IGF2R: variants seen among roughly 807,000 people sequenced by gnomAD.
IGF2R encodes insulin like growth factor 2 receptor.
A neutral mutation model predicts 270.6 loss-of-function variants in IGF2R; 91 were observed. The ratio of observed to expected loss-of-function variants is 0.34; its 90% CI spans 0.28 to 0.40. The LOEUF is 0.40. Among genes scored for constraint, IGF2R ranks in the 10% least tolerant of loss-of-function variants. The pLI is 1.00. For synonymous variants in IGF2R, 1,316 were observed against 1,258.9 expected, an observed-to-expected ratio of 1.05 and a Z score of -0.96; for missense variants, 2,805 against 3,188.3, an observed-to-expected ratio of 0.88 and a Z score of 2.90.
At chr6:160,103,253 G>A (rs768855084) in intron 46 of IGF2R, among the ~76,000 whole-genome samples, 1 of 151,890 alleles carries the variant, frequency 6.6e-6, no homozygotes, top group Non-Finnish European at 1.5e-5. Context: ...TACCAACCAT[G>A]GAGGTTGCAG....
chr6:159,991,703 C>T (rs1783982662), intron 2 of IGF2R, among the ~76,000 whole-genome samples: 2 of 152,164 alleles, frequency 1.3e-5, no homozygotes, highest in Non-Finnish European at 2.9e-5. Flanking sequence ...GACTCCCATT[C>T]CTTTGTACCT....
intron 47 of IGF2R, among the ~76,000 whole-genome samples, chr6:160,104,273 T>G (rs560380979): frequency 6.6e-6 from 1 of 152,246 alleles, no homozygotes; most frequent in Non-Finnish European, 1.5e-5. Flanking sequence ...TCCTTTGACA[T>G]TCCTCCCCTG....
At chr6:160,019,327 C>CAA (rs1777377657) in intron 4 of IGF2R, among the ~76,000 whole-genome samples, 1 of 151,974 alleles carries the variant, frequency 6.6e-6, no homozygotes, top group Admixed American at 6.6e-5. Flanking sequence ...CAAAACAAAA[C>CAA]AAAAACCTCC....
intron 35 of IGF2R, 124 bp downstream of exon 35, chr6:160,074,099 G>A: frequency 1.5e-6 from 1 of 681,608 alleles, no homozygotes; most frequent in Admixed American, 2.4e-5. Flanking sequence ...AAGTAAGTGG[G>A]ACTGTGTATG....
In IGF2R at chr6:159,969,273, C is replaced by A; in HGVS notation, c.27C>A (p.Pro9=). ...TGGGGGCCGCCGCCGGCCGGAGCCC[C>A]CACCTGGGGCCCGCGCCCGCCCGCC... MGAAAGRS[P]HLGPAPARRP... Residue 9 remains proline (P), a synonymous_variant, in exon 1 of 48, where the codon CCC becomes CCA. Coordinates refer to ENST00000356956, the MANE Select transcript of IGF2R (RefSeq NM_000876.4). 1 of 1,147,188 alleles carries A rather than the reference C, an allele frequency of 8.7e-7. No individual in the cohort carries two copies. The allele number at this position is 1,147,188 out of a possible 1,614,324, so 71.1% of individuals were successfully genotyped here.
Position 159,969,243 on chromosome 6 carries a change from C to A in IGF2R, c.-4C>A. The A allele has an allele frequency of 9.8e-7, 1 of 1,019,164 alleles. No individual in the cohort carries two copies. The highest frequency in any genetic ancestry group is 1.2e-6 in the Non-Finnish European group (1 of 854,734). 63.1% of individuals were successfully genotyped at this position (1,019,164 alleles called of 1,614,324 possible). ...CGCCCGCCGCGCAGTCCGGGCCCGG[C>A]GCGATGGGGGCCGCCGCCGGCCGGA... On this transcript the variant is annotated 5_prime_UTR_variant, in exon 1 of 48. Transcript: ENST00000356956.
At chr6:159,970,059 T>G (rs1783586463) in intron 1 of IGF2R, among the ~76,000 whole-genome samples, 1 of 152,140 alleles carries the variant, frequency 6.6e-6, no homozygotes, top group Non-Finnish European at 1.5e-5. Flanking sequence ...GAGCCCAACT[T>G]CCTGCCTGGT....
chr6:160,088,251 C>T, intron 42 of IGF2R, 104 bp downstream of exon 42: 1 of 759,516 alleles, frequency 1.3e-6, no homozygotes, highest in East Asian at 2.6e-5. Flanking sequence ...CTTAGGAGCT[C>T]AGGGCCAGAG....
chr6:159,985,696 C>T (rs1783870993), intron 1 of IGF2R, among the ~76,000 whole-genome samples: 1 of 152,154 alleles, frequency 6.6e-6, no homozygotes, highest in Non-Finnish European at 1.5e-5. Flanking sequence ...GCAGCTAGTG[C>T]TGGAGCTGTG....
At chr6:160,059,761 G>C (rs1778394563) in intron 22 of IGF2R, among the ~76,000 whole-genome samples, 1 of 152,214 alleles carries the variant, frequency 6.6e-6, no homozygotes, top group South Asian at 2.1e-4. Flanking sequence ...TGGCCTCCCT[G>C]TTTCTGATAT....
At chr6:160,065,814 G>GTGTGTATATATATATATATATATATA in intron 29 of IGF2R, among the ~76,000 whole-genome samples, 5 of 78,392 alleles carry the variant, frequency 6.4e-5, no homozygotes, top group Non-Finnish European at 9.3e-5. Context: ...GTGTGTGTGT[G>GTGTGTATATATATATATATATATATA]TATATATATA....
intron 26 of IGF2R, 42 bp downstream of exon 26, chr6:160,062,661 G>A: frequency 2.8e-6 from 4 of 1,421,432 alleles, no homozygotes; most frequent in Non-Finnish European, 4.0e-6. Context: ...TAAATGTATA[G>A]AGTAGCAGAC....
chr6:160,036,296 C>T (rs768404283), intron 10 of IGF2R, among the ~76,000 whole-genome samples: 13 of 152,126 alleles, frequency 8.5e-5, no homozygotes, highest in Non-Finnish European at 1.5e-4. Flanking sequence ...CCTAGCCTAC[C>T]TACGCTACTA....
At chr6:160,077,715 G>A (rs8191897) in intron 36 of IGF2R, among the ~76,000 whole-genome samples, 73 of 152,320 alleles carry the variant, frequency 4.8e-4, no homozygotes, top group Middle Eastern at 6.8e-3. Flanking sequence ...CCTGAGAGCT[G>A]CCTCATCTTT....
At position 160,059,105 on chromosome 6, in the gene IGF2R, T is replaced by G. The variant is rs1562361069; in HGVS notation, c.3091+7T>G. The G allele has an allele frequency of 6.2e-7, 1 of 1,611,542 alleles. No homozygotes were observed. Reference sequence around the variant, plus strand: ...GGGCCTCTCTCTGCCAAAGGTGAGCTCAGAGCCATGTTGTTTTGTAGCTAA... The same window carrying G: ...GGGCCTCTCTCTGCCAAAGGTGAGCGCAGAGCCATGTTGTTTTGTAGCTAA... On this transcript the variant is annotated splice_region_variant and intron_variant, in intron 22 of 47. Coordinates refer to ENST00000356956, the MANE Select transcript of IGF2R (RefSeq NM_000876.4).
intron 31 of IGF2R, among the ~76,000 whole-genome samples, 181 bp from the exon 32 acceptor site, chr6:160,071,729 G>A (rs982519874): frequency 6.6e-6 from 1 of 152,200 alleles, no homozygotes; most frequent in East Asian, 1.9e-4. Context: ...CATGGTGGCA[G>A]CTCAGGACAC....
intron 4 of IGF2R, among the ~76,000 whole-genome samples, chr6:160,011,779 C>T (rs1189137290): frequency 6.6e-6 from 1 of 152,084 alleles, no homozygotes; most frequent in Non-Finnish European, 1.5e-5. Context: ...GTTCCTTCTG[C>T]CGCTTCTCCA....
chr6:160,072,656 G>A, intron 32 of IGF2R, 109 bp from the exon 33 acceptor site: 1 of 1,247,228 alleles, frequency 8.0e-7, no homozygotes, highest in Non-Finnish European at 1.2e-6. Context: ...GTGGTGAGAA[G>A]TCAGAAGTCC....
chr6:160,022,715 A>C (rs1450506103), intron 4 of IGF2R, among the ~76,000 whole-genome samples: 2 of 152,230 alleles, frequency 1.3e-5, no homozygotes, highest in African/African-American at 4.8e-5. Context: ...AGATGGCAGT[A>C]CCTAGTATCA....
Sources: allele counts gnomAD v4.1 joint callset (sites outside exome capture counted in the v4.1 genomes callset), GRCh38; gene constraint gnomAD v4.1.1; transcripts MANE v1.5; gene names NCBI Gene and HGNC (gene_info 2026-07-23, HGNC 2026-07-21).